DNAJB12: variants seen among roughly 807,000 people sequenced by gnomAD.
DNAJB12 encodes DnaJ heat shock protein family (Hsp40) member B12.
A neutral mutation model predicts 40.6 loss-of-function variants in DNAJB12; 14 were observed. The observed-to-expected ratio is 0.34, with a 90% confidence interval of 0.23 to 0.54. The LOEUF (loss-of-function observed/expected upper bound fraction) is 0.54. Among genes scored for constraint, DNAJB12 ranks in the 20% least tolerant of loss-of-function variants. The probability of loss-of-function intolerance (pLI) is 0.92; values close to 1 mark genes in which losing one functional copy is unlikely to be tolerated. For synonymous variants in DNAJB12, 181 were observed against 199.5 expected (o/e 0.91, Z 0.78); for missense variants, 444 against 501.7 (o/e 0.89, Z 1.10).
chr10:72,353,610 C>A (rs181794608), intron 1 of DNAJB12: 1 of 152,264 alleles, frequency 6.6e-6, no homozygotes, highest in Non-Finnish European at 1.5e-5. Flanking sequence ...GCATCCCTTA[C>A]CTCAGAGATT....
chr10:72,345,729 A>C (rs1005874759), intron 1 of DNAJB12, among the ~76,000 whole-genome samples: 41 of 151,226 alleles, frequency 2.7e-4, no homozygotes, highest in South Asian at 1.0e-3. Flanking sequence ...AAAAAAAAAA[A>C]CCCCAAAAGA....
intron 4 of DNAJB12, 34 bp from the exon 5 acceptor site, chr10:72,340,902 T>A: frequency 6.2e-7 from 1 of 1,611,708 alleles, no homozygotes; most frequent in African/African-American, 1.3e-5. Context: ...AGGAGCCAGG[T>A]CTGTTGGGAA....
chr10:72,354,675 T>A, intron 1 of DNAJB12, 90 bp downstream of exon 1: 10 of 1,008,034 alleles, frequency 9.9e-6, no homozygotes, highest in Non-Finnish European at 1.4e-5. Context: ...TCGCCACCCC[T>A]CCCCCTCCCC....
chr10:72,343,477 C>A lies in DNAJB12; in HGVS notation c.346G>T (p.Gly116Trp). The change falls in exon 3 of 9, where the codon GGG (glycine) becomes TGG (tryptophan). Residue 116 changes from glycine to tryptophan, a missense_variant. By Grantham distance (184) the Gly-to-Trp change is radical. Transcript: ENST00000444643. Reference sequence around the variant, plus strand: ...TCATCCGAGGCCCCTCTGCTCACCCCCAGGATCTCATAGTAATCTTTACAT... The same window carrying A: ...TCATCCGAGGCCCCTCTGCTCACCCACAGGATCTCATAGTAATCTTTACAT... ...KQCKDYYEIL[G>W]VSRGASDEDL... 1 of 1,614,192 alleles carries A rather than the reference C, an allele frequency of 6.2e-7. No homozygotes were observed. Among genetic ancestry groups the A allele is most frequent in the Non-Finnish European group, 8.5e-7 (1 of 1,180,036 alleles).
Position 72,345,079 on chromosome 10 carries a change from G to A in DNAJB12, c.182C>T (p.Pro61Leu), listed in dbSNP as rs775698034. 4.3e-6 allele frequency: 7 copies of A among 1,614,102 alleles called. No individual in the cohort carries two copies. The highest frequency in any genetic ancestry group is 5.9e-6 in the Non-Finnish European group (7 of 1,179,984). ...GGCATGGGTTGTGTCTGTGGGTGGG[G>A]GTTGGTCACCGGCAGTCTGTGGTTT... ...NQKPQTAGDQ[P>L]PPTDTTHATH... is the part of the protein sequence containing the mutation. Residue 61 changes from proline to leucine, a missense_variant, in exon 2 of 9, where the codon CCC (proline) becomes CTC (leucine). Coordinates refer to ENST00000444643, the MANE Select transcript of DNAJB12 (RefSeq NM_017626.7).
At chr10:72,354,424 C>T (rs971242067) in intron 1 of DNAJB12, 1 of 278,242 alleles carries the variant, frequency 3.6e-6, no homozygotes. Flanking sequence ...GCCTGGGCTA[C>T]CGAACGGCCC....
intron 1 of DNAJB12, among the ~76,000 whole-genome samples, chr10:72,352,139 C>G (rs566150773): frequency 5.9e-5 from 9 of 152,314 alleles, no homozygotes; most frequent in African/African-American, 1.9e-4. Flanking sequence ...TCATGCTGTT[C>G]TCTTTTAACA....
intron 8 of DNAJB12, 171 bp from the exon 9 acceptor site, chr10:72,334,788 A>C (rs1861421760): frequency 7.2e-7 from 1 of 1,390,266 alleles, no homozygotes; most frequent in East Asian, 2.9e-5. Flanking sequence ...AGAGGCAGGC[A>C]CAAATGGCCT....
At chr10:72,344,837 C>A (rs994595432) in intron 2 of DNAJB12, 113 bp downstream of exon 2, 19 of 1,282,024 alleles carry the variant, frequency 1.5e-5, no homozygotes, top group Non-Finnish European at 1.9e-5. Context: ...TCCTCCAAGA[C>A]CCTCCCAGGG....
chr10:72,351,896 A>G (rs568564704), intron 1 of DNAJB12, among the ~76,000 whole-genome samples: 40 of 152,204 alleles, frequency 2.6e-4, no homozygotes, highest in Admixed American at 2.4e-3. Flanking sequence ...TTCCCATCTC[A>G]GTTCTTCAGC....
Position 72,354,869 on chromosome 10 carries a change from C to T in DNAJB12, c.29G>A (p.Arg10His). 1 of 1,614,106 alleles carries T rather than the reference C, an allele frequency of 6.2e-7. No homozygotes were observed. The highest frequency in any genetic ancestry group is 2.2e-5 in the East Asian group (1 of 44,878). Residue 10 changes from arginine to histidine, a missense_variant, in exon 1 of 9, where the codon CGC (arginine) becomes CAC (histidine). Physicochemically the swap from Arg to His is conservative, Grantham distance 29 (BLOSUM62 0). Transcript: ENST00000444643. ...GGCCTTGAGGGCGATGCTGATACAG[C>T]GCTCAGCTTCATCCTTGTTGGATTC... MESNKDEAERCISIALKAIQ... is the reference protein window; with the variant it reads MESNKDEAEHCISIALKAIQ...
Position 72,340,888 on chromosome 10 carries a change from A to G in DNAJB12, c.644-20T>C. On this transcript the variant is annotated intron_variant, in intron 4 of 8. Coordinates refer to ENST00000444643, the MANE Select transcript of DNAJB12 (RefSeq NM_017626.7). ...CGTTACCTGGGGGTCAGAGGGGCTG[A>G]GTCAGGAGCCAGGTCTGTTGGGAAA... is the stretch of plus-strand genomic sequence containing the variant. 6.2e-7 allele frequency: 1 copy of G among 1,612,972 alleles called. No homozygotes were observed. Among genetic ancestry groups the G allele is most frequent in the Non-Finnish European group, 8.5e-7 (1 of 1,179,398 alleles).
At chr10:72,350,829 A>C (rs1181135662) in intron 1 of DNAJB12, among the ~76,000 whole-genome samples, 2 of 152,130 alleles carry the variant, frequency 1.3e-5, no homozygotes, top group Non-Finnish European at 1.5e-5. Flanking sequence ...AATACAGTGA[A>C]TGGAAGGGGG....
chr10:72,335,031 T>C lies in DNAJB12; in HGVS notation c.*31-414A>G, dbSNP rs1224583108. 2 of 1,035,526 alleles carry C rather than the reference T, an allele frequency of 1.9e-6. No homozygotes were observed. Among genetic ancestry groups the C allele is most frequent in the Non-Finnish European group, 2.3e-6 (2 of 862,044 alleles). The allele number at this position is 1,035,526 out of a possible 1,614,324, so 64.1% of individuals were successfully genotyped here. A position where few individuals can be genotyped will look rare whatever the true frequency, so the allele number is the denominator to read the frequency against. ...TCTCATTTCCCCTCCACCCCTCCTG[T>C]GCTGAGCGGCTGCGTCTGACCCTGA... On this transcript the variant is annotated intron_variant, in intron 8 of 8. Transcript: ENST00000444643. This position sits in a 1 kb window ranked among gnomAD's most constrained non-coding sequence, Gnocchi z 4.4.
At position 72,343,450 on chromosome 10, in the gene DNAJB12, C is replaced by T. The variant is rs759253278; in HGVS notation, c.373G>A (p.Asp125Asn). ...LGVSRGASDEDLKKAYRRLAL... is the reference protein window; with the variant it reads ...LGVSRGASDENLKKAYRRLAL... ...AGTCTGCGGTAGGCCTTCTTCAGGTCCTCATCCGAGGCCCCTCTGCTCACC... is the reference window on the plus strand; with the variant it reads ...AGTCTGCGGTAGGCCTTCTTCAGGTTCTCATCCGAGGCCCCTCTGCTCACC... The change falls in exon 3 of 9, where the codon GAC becomes AAC. Residue 125 changes from aspartate to asparagine, a missense_variant. Coordinates refer to ENST00000444643, the MANE Select transcript of DNAJB12 (RefSeq NM_017626.7). The T allele has an allele frequency of 1.2e-6, 2 of 1,614,186 alleles. No homozygotes were observed. Among genetic ancestry groups the T allele is most frequent in the Non-Finnish European group, 1.7e-6 (2 of 1,180,014 alleles).
rs559026522 is a variant in DNAJB12 at position 72,334,415 on chromosome 10, G to A, written c.*233C>T. Reference sequence around the variant, plus strand: ...GATGCGGAGCCTCCGCCAGCCCTGCGAGGGAGGGAAGCAGCCCCATGGCAG... The same window carrying A: ...GATGCGGAGCCTCCGCCAGCCCTGCAAGGGAGGGAAGCAGCCCCATGGCAG... On this transcript the variant is annotated 3_prime_UTR_variant, in exon 9 of 9. Transcript: ENST00000444643. 34 of 776,268 alleles carry A rather than the reference G, an allele frequency of 4.4e-5. 1 individual carries two copies. The highest frequency in any genetic ancestry group is 4.3e-4 in the South Asian group (28 of 64,772). The allele number at this position is 776,268 out of a possible 1,614,324, so 48.1% of individuals were successfully genotyped here.
At chr10:72,354,667 G>T in intron 1 of DNAJB12, 98 bp downstream of exon 1, 1 of 1,185,814 alleles carries the variant, frequency 8.4e-7, no homozygotes, top group Non-Finnish European at 1.2e-6. Context: ...GCCGCGCCTC[G>T]CCACCCCTCC....
At chr10:72,343,545 C>G in intron 2 of DNAJB12, 34 bp from the exon 3 acceptor site, 3 of 1,611,266 alleles carry the variant, frequency 1.9e-6, no homozygotes, top group Admixed American at 3.3e-5. Flanking sequence ...ACGGGGTGCT[C>G]TACATGGGTC....
rs773291033 is a variant in DNAJB12, at chr10:72,335,788, C to T, written c.*22G>A. ...GCAGCCCTGGCTCATACTTGGACCT[C>T]GGTGGTGTGGCTGGCCCAGGACTAT... On this transcript the variant is annotated 3_prime_UTR_variant, in exon 8 of 9. Coordinates refer to ENST00000444643, the MANE Select transcript of DNAJB12 (RefSeq NM_017626.7). This position sits in a 1 kb window ranked among gnomAD's most constrained non-coding sequence, Gnocchi z 4.4. 11 of 1,613,034 alleles carry T rather than the reference C, an allele frequency of 6.8e-6. No homozygotes were observed. In the East Asian group the frequency reaches 1.1e-4, roughly 16 times the overall value.
Sources: gnomAD v4.1 joint callset for allele counts (sites outside exome capture counted in the v4.1 genomes callset) on GRCh38, gnomAD v4.1.1 for gene constraint, Gnocchi (gnomAD v3.1) non-coding constraint, MANE v1.5 for transcripts, NCBI Gene and HGNC (gene_info 2026-07-23, HGNC 2026-07-21) for gene names.